The following LRP1B variants were observed in gnomAD, a reference collection of about 807,000 sequenced individuals.
The protein encoded by LRP1B is low-density lipoprotein receptor-related protein 1B.
A neutral mutation model predicts 556.6 loss-of-function variants in LRP1B; 217 were observed. The observed-to-expected ratio is 0.39, with a 90% CI of 0.35 to 0.44. The LOEUF is 0.44. Ranked by LOEUF, LRP1B falls within the 20% of genes least tolerant of loss-of-function variation. The pLI is 1.00. For synonymous variants in LRP1B, 2,047 were observed against 1,865.8 expected, an observed-to-expected ratio of 1.10 and a Z score of -2.50; for missense variants, 5,053 against 5,620.8, an observed-to-expected ratio of 0.90 and a Z score of 3.23.
chr2:141,373,589 A>G (rs1189476409), intron 3 of LRP1B, among the ~76,000 whole-genome samples: 1 of 118,470 alleles, frequency 8.4e-6, no homozygotes, highest in Non-Finnish European at 2.1e-5. Context: ...TTATCATTAC[A>G]TAATCACCTT....
chr2:141,126,073 C>G (rs1402315529), intron 7 of LRP1B, among the ~76,000 whole-genome samples: 1 of 151,186 alleles, frequency 6.6e-6, no homozygotes, highest in East Asian at 1.9e-4. Flanking sequence ...GGCTCTGTCG[C>G]CAGGCTGGAG....
intron 66 of LRP1B, among the ~76,000 whole-genome samples, chr2:140,416,743 G>A (rs1231061003): frequency 2.0e-5 from 3 of 152,034 alleles, no homozygotes; most frequent in Non-Finnish European, 2.9e-5. Flanking sequence ...TACTTCAATT[G>A]CACAGCTGCA....
At chr2:141,269,381 C>A (rs1685004582) in intron 3 of LRP1B, among the ~76,000 whole-genome samples, 1 of 151,988 alleles carries the variant, frequency 6.6e-6, no homozygotes, top group African/African-American at 2.4e-5. Flanking sequence ...GCAATTTATG[C>A]AAAAAAGCAT....
At chr2:142,024,672 T>TA (rs1373227679) in intron 1 of LRP1B, among the ~76,000 whole-genome samples, 2 of 151,800 alleles carry the variant, frequency 1.3e-5, no homozygotes, top group Admixed American at 6.6e-5. Flanking sequence ...GAATTTTATT[T>TA]AAAAAAACTA....
At chr2:141,232,959 G>A (rs1455137526) in intron 5 of LRP1B, among the ~76,000 whole-genome samples, 2 of 152,116 alleles carry the variant, frequency 1.3e-5, no homozygotes, top group South Asian at 2.1e-4. Flanking sequence ...CATAGCCCTG[G>A]CAAAAATGTA....
At chr2:140,981,890 C>T (rs182446061) in intron 18 of LRP1B, among the ~76,000 whole-genome samples, 101 of 152,188 alleles carry the variant, frequency 6.6e-4, no homozygotes, top group African/African-American at 2.3e-3. Context: ...TCCTGTTAGC[C>T]GCGTAATAAC....
intron 18 of LRP1B, among the ~76,000 whole-genome samples, chr2:140,972,917 TA>T (rs199802413): frequency 0.044 from 6,411 of 146,820 alleles, 167 homozygotes; most frequent in Middle Eastern, 0.079. Context: ...TATGCAAGAA[TA>T]AATTTTTTGC....
chr2:141,022,810 T>C (rs988886491), intron 11 of LRP1B, among the ~76,000 whole-genome samples: 1 of 151,986 alleles, frequency 6.6e-6, no homozygotes, highest in Non-Finnish European at 1.5e-5. Flanking sequence ...TAGATTTCTT[T>C]GTATACTTTG....
chr2:141,191,326 T>A (rs1681496127), intron 6 of LRP1B, among the ~76,000 whole-genome samples: 1 of 151,902 alleles, frequency 6.6e-6, no homozygotes, highest in Non-Finnish European at 1.5e-5. Context: ...AAAATTATAT[T>A]TTTTCCTCCC....
At chr2:141,855,109 C>CAATT (rs1275523136) in intron 1 of LRP1B, among the ~76,000 whole-genome samples, 1 of 151,922 alleles carries the variant, frequency 6.6e-6, no homozygotes, top group Non-Finnish European at 1.5e-5. Context: ...GGAGGCTGAC[C>CAATT]AATTCCCTCA....
intron 66 of LRP1B, among the ~76,000 whole-genome samples, chr2:140,406,290 G>A (rs944438183): frequency 6.6e-6 from 1 of 152,060 alleles, no homozygotes; most frequent in African/African-American, 2.4e-5. Flanking sequence ...AACAAGATAA[G>A]GATGTTCACT....
intron 2 of LRP1B, among the ~76,000 whole-genome samples, chr2:141,625,954 ATTGT>A (rs1165253367): frequency 6.6e-6 from 1 of 152,110 alleles, no homozygotes; most frequent in Non-Finnish European, 1.5e-5. Context: ...TTAACCTTAT[ATTGT>A]TTATATTTTA....
intron 2 of LRP1B, among the ~76,000 whole-genome samples, chr2:141,799,467 A>G (rs1558883589): frequency 6.6e-6 from 1 of 152,090 alleles, no homozygotes; most frequent in Non-Finnish European, 1.5e-5. Flanking sequence ...TTAATTGTTG[A>G]GCGTGGCTGC....
Position 141,286,347 on chromosome 2 carries a change from A to T in LRP1B, c.344-31706T>A, listed in dbSNP as rs575975531. Among the ~76,000 whole-genome samples, 83 of 152,132 alleles carry T rather than the reference A, an allele frequency of 5.5e-4. No homozygotes were observed. In the South Asian group the frequency reaches 0.016, roughly 30 times the overall value. On this transcript the variant is annotated intron_variant, in intron 3 of 90. Transcript: ENST00000389484. ...GTGTTACCTTCCTCTGTATTAAAAG[A>T]TTTGGCTTGCTAATGTTGTGTAAAA...
At chr2:140,438,396 G>T (rs72897830) in intron 66 of LRP1B, among the ~76,000 whole-genome samples, 48,572 of 151,956 alleles carry the variant, frequency 0.32, 8,258 homozygotes, top group African/African-American at 0.35. Context: ...TAGCTATAAC[G>T]GTATAGCTTA....
intron 1 of LRP1B, among the ~76,000 whole-genome samples, chr2:142,112,798 A>T (rs1707050103): frequency 6.6e-6 from 1 of 152,126 alleles, no homozygotes; most frequent in African/African-American, 2.4e-5. Context: ...AGATTGAGGC[A>T]TTGAATATGT....
intron 11 of LRP1B, among the ~76,000 whole-genome samples, chr2:141,038,701 T>C (rs1171699001): frequency 2.0e-5 from 3 of 152,082 alleles, no homozygotes; most frequent in Admixed American, 6.6e-5. Context: ...TATATTGTAT[T>C]GAGAAATTCG....
At chr2:141,010,970 G>A (rs1198463820) in intron 14 of LRP1B, among the ~76,000 whole-genome samples, 1 of 150,266 alleles carries the variant, frequency 6.7e-6, no homozygotes, top group African/African-American at 2.4e-5. Flanking sequence ...GTGTGTGTGT[G>A]TGTGTGTGTG....
chr2:140,819,458 T>C (rs1024936283), intron 31 of LRP1B, among the ~76,000 whole-genome samples: 1 of 151,988 alleles, frequency 6.6e-6, no homozygotes, highest in Non-Finnish European at 1.5e-5. Context: ...CAACAAAAGG[T>C]AAGTATCAAC....
Sources: allele counts gnomAD v4.1 joint callset (sites outside exome capture counted in the v4.1 genomes callset), GRCh38; gene constraint gnomAD v4.1.1; transcripts MANE v1.5; gene names NCBI Gene and HGNC (gene_info 2026-07-23, HGNC 2026-07-21).